Variants in ROR1 observed in about 807,000 individuals in gnomAD.
ROR1 encodes ROR family WNT receptor 1.
In ROR1, 19 loss-of-function variants were observed where a neutral mutation model predicts 78.8. The ratio of observed to expected loss-of-function variants is 0.24; its 90% CI spans 0.17 to 0.35. ROR1 has a LOEUF of 0.35. Ranked by LOEUF, ROR1 falls within the 10% of genes least tolerant of loss-of-function variation. The probability of loss-of-function intolerance (pLI) is 1.00; values close to 1 mark genes in which losing one functional copy is unlikely to be tolerated. For missense variants in ROR1, 917 were observed against 1,177.8 expected (o/e 0.78, Z 3.24); for synonymous variants, 386 against 433.6 (o/e 0.89, Z 1.36).
intron 1 of ROR1, among the ~76,000 whole-genome samples, chr1:63,874,922 A>G (rs1314028764): frequency 6.6e-6 from 1 of 152,138 alleles, no homozygotes; most frequent in East Asian, 1.9e-4. Context: ...TAGACCAGGT[A>G]TAATCTGATA....
intron 1 of ROR1, among the ~76,000 whole-genome samples, chr1:63,790,265 C>T (rs568083139): frequency 6.6e-6 from 1 of 152,278 alleles, no homozygotes; most frequent in South Asian, 2.1e-4. Flanking sequence ...TCTGCTTTTA[C>T]TTTTACTAAG....
At chr1:63,951,346 GTCCCT>G (rs71726170) in intron 1 of ROR1, among the ~76,000 whole-genome samples, 3,942 of 152,262 alleles carry the variant, frequency 0.026, 167 homozygotes, top group African/African-American at 0.09. Flanking sequence ...TTGCACCAAA[GTCCCT>G]TAAGAGCTGA....
At position 63,798,592 on chromosome 1, in the gene ROR1, G is replaced by A. The variant is rs555988048; in HGVS notation, c.91+24084G>A. Among the ~76,000 whole-genome samples, 7 of 152,298 alleles carry A rather than the reference G, an allele frequency of 4.6e-5. No homozygotes were observed. The East Asian group carries it at 1.4e-3, about 29-fold the overall frequency. ...CACTTTGCCTTGTAAGTATAGACAAGACACTAACTGCTCTGCATGTCTCCT... is the reference window on the plus strand; with the variant it reads ...CACTTTGCCTTGTAAGTATAGACAAAACACTAACTGCTCTGCATGTCTCCT... On this transcript the variant is annotated intron_variant, in intron 1 of 8. Transcript: ENST00000371079.
chr1:63,984,408 G>A (rs1646234626), intron 1 of ROR1, among the ~76,000 whole-genome samples: 2 of 152,134 alleles, frequency 1.3e-5, no homozygotes, highest in Admixed American at 1.3e-4. Context: ...CACATTTAAA[G>A]CTTGTGGTTT....
intron 4 of ROR1, among the ~76,000 whole-genome samples, chr1:64,113,171 T>C (rs1648178062): frequency 6.6e-6 from 1 of 152,192 alleles, no homozygotes; most frequent in Non-Finnish European, 1.5e-5. Context: ...GCCTGTTTTC[T>C]TCTCTTCTAC....
chr1:64,076,875 A>G (rs1647054396), intron 4 of ROR1, among the ~76,000 whole-genome samples: 1 of 152,232 alleles, frequency 6.6e-6, no homozygotes, highest in Non-Finnish European at 1.5e-5. Context: ...TAATAATGGT[A>G]AGAGGAACAG....
chr1:63,872,958 G>A (rs930026936), intron 1 of ROR1, among the ~76,000 whole-genome samples: 1 of 152,134 alleles, frequency 6.6e-6, no homozygotes, highest in African/African-American at 2.4e-5. Context: ...GTGAGAGGGT[G>A]GGAGATGATT....
At chr1:63,802,374 G>A (rs1644802749) in intron 1 of ROR1, among the ~76,000 whole-genome samples, 1 of 152,066 alleles carries the variant, frequency 6.6e-6, no homozygotes, top group Admixed American at 6.6e-5. Flanking sequence ...TTATGTGGAG[G>A]TTGGTTAAAA....
intron 4 of ROR1, among the ~76,000 whole-genome samples, chr1:64,098,771 G>A (rs1329165939): frequency 6.6e-6 from 1 of 152,138 alleles, no homozygotes; most frequent in Non-Finnish European, 1.5e-5. Flanking sequence ...TCAGCTCTGT[G>A]ATATTGATAA....
intron 1 of ROR1, among the ~76,000 whole-genome samples, chr1:63,895,996 G>A (rs1231622219): frequency 6.6e-6 from 1 of 152,044 alleles, no homozygotes; most frequent in Non-Finnish European, 1.5e-5. Flanking sequence ...GTCGCTAGAT[G>A]GACTTGGAGG....
At chr1:63,962,035 G>T (rs903801436) in intron 1 of ROR1, among the ~76,000 whole-genome samples, 4 of 152,138 alleles carry the variant, frequency 2.6e-5, no homozygotes, top group African/African-American at 4.8e-5. Context: ...CCAGGCAGGA[G>T]GATCCGTTGA....
chr1:63,793,325 C>A (rs1022963820), intron 1 of ROR1, among the ~76,000 whole-genome samples: 3 of 152,032 alleles, frequency 2.0e-5, no homozygotes, highest in Admixed American at 6.6e-5. Context: ...ATCAAATGAT[C>A]GATTGGCAGT....
chr1:64,063,070 T>A (rs1038743879), intron 4 of ROR1, among the ~76,000 whole-genome samples: 1 of 152,228 alleles, frequency 6.6e-6, no homozygotes, highest in Admixed American at 6.5e-5. Context: ...AAGATATGGT[T>A]AGACCCAGGG....
rs549443336 is a variant in ROR1 at position 64,062,546 on chromosome 1, C to T, written c.482+11830C>T. On this transcript the variant is annotated intron_variant, in intron 4 of 8. Coordinates refer to ENST00000371079, the MANE Select transcript of ROR1 (RefSeq NM_005012.4). Reference sequence around the variant, plus strand: ...CAGGATGGTCTCGAACTCCTGACCTCGTAATCTGCCCACCTCGACCTCCCA... The same window carrying T: ...CAGGATGGTCTCGAACTCCTGACCTTGTAATCTGCCCACCTCGACCTCCCA... Among the ~76,000 whole-genome samples, 7 of 152,230 alleles carry T rather than the reference C, an allele frequency of 4.6e-5. No homozygotes were observed. In the Middle Eastern group the frequency reaches 0.01, roughly 222 times the overall value.
intron 1 of ROR1, among the ~76,000 whole-genome samples, chr1:64,001,098 G>T (rs1646379193): frequency 6.6e-6 from 1 of 152,166 alleles, no homozygotes; most frequent in Non-Finnish European, 1.5e-5. Flanking sequence ...CCAAATGTTT[G>T]CAGCGAATGG....
chr1:64,077,763 A>T (rs1569696011), intron 4 of ROR1, among the ~76,000 whole-genome samples: 2 of 152,368 alleles, frequency 1.3e-5, no homozygotes, highest in Admixed American at 1.3e-4. Context: ...TTTCATGAAG[A>T]TAAGTCAGAG....
chr1:63,904,902 T>C (rs1645516974), intron 1 of ROR1, among the ~76,000 whole-genome samples: 1 of 152,176 alleles, frequency 6.6e-6, no homozygotes. Flanking sequence ...CTGTGGCACT[T>C]GGTTATAGCA....
intron 4 of ROR1, among the ~76,000 whole-genome samples, chr1:64,051,739 C>T (rs1646834084): frequency 6.6e-6 from 1 of 152,046 alleles, no homozygotes; most frequent in South Asian, 2.1e-4. Flanking sequence ...GGGGGAAGGA[C>T]CCACTTATTA....
chr1:63,883,903 G>GAAGA (rs1232410216), intron 1 of ROR1, among the ~76,000 whole-genome samples: 1 of 152,178 alleles, frequency 6.6e-6, no homozygotes, highest in Non-Finnish European at 1.5e-5. Context: ...AGGAGGTGAG[G>GAAGA]AAGAACACAG....
Sources: gnomAD v4.1 joint callset for allele counts (sites outside exome capture counted in the v4.1 genomes callset) on GRCh38, gnomAD v4.1.1 for gene constraint, MANE v1.5 for transcripts, NCBI Gene and HGNC (gene_info 2026-07-23, HGNC 2026-07-21) for gene names.